The following EML6 variants were observed in gnomAD, a reference collection of about 807,000 sequenced individuals.
EML6 encodes the protein echinoderm microtubule-associated protein-like 6.
Under a neutral mutation model 240.1 loss-of-function variants are expected in EML6, and 154 were observed. That is an observed-to-expected ratio of 0.64 (90% CI 0.56 to 0.73). EML6 has a LOEUF of 0.73. Among genes scored for constraint, EML6 ranks in the 30% least tolerant of loss-of-function variants. The pLI, the probability that EML6 is intolerant of heterozygous loss-of-function variation, is 0.00. For synonymous variants in EML6, 1,148 were observed against 899.0 expected (o/e 1.28, Z -4.95); for missense variants, 2,964 against 2,474.6 (o/e 1.20, Z -4.20).
chr2:54,967,208 A>C, intron 39 of EML6, 105 bp downstream of exon 39: 1 of 738,578 alleles, frequency 1.4e-6, no homozygotes, highest in East Asian at 2.8e-5. Context: ...AAGCTGAGAA[A>C]TGGAGCTGTC....
intron 7 of EML6, among the ~76,000 whole-genome samples, chr2:54,834,916 A>G (rs907546421): frequency 2.0e-5 from 3 of 152,196 alleles, no homozygotes; most frequent in Non-Finnish European, 2.9e-5. Context: ...TTTGAACTTT[A>G]TGTGAGCCAG....
At chr2:54,937,370 A>G (rs1675194096) in intron 28 of EML6, among the ~76,000 whole-genome samples, 1 of 151,868 alleles carries the variant, frequency 6.6e-6, no homozygotes, top group African/African-American at 2.4e-5. Flanking sequence ...GGATGGCTTG[A>G]GAGCAGCCTG....
At chr2:54,819,949 TAG>T (rs1372778492) in intron 4 of EML6, among the ~76,000 whole-genome samples, 1 of 152,202 alleles carries the variant, frequency 6.6e-6, no homozygotes, top group Non-Finnish European at 1.5e-5. Context: ...CTGTGATTAC[TAG>T]AGACTGTTGG....
intron 2 of EML6, among the ~76,000 whole-genome samples, chr2:54,769,761 T>C (rs1295489558): frequency 6.6e-6 from 1 of 152,224 alleles, no homozygotes; most frequent in African/African-American, 2.4e-5. Context: ...AAGATCTCTT[T>C]GTGAACTTTT....
At chr2:54,800,253 G>C (rs1203172370) in intron 2 of EML6, among the ~76,000 whole-genome samples, 2 of 152,070 alleles carry the variant, frequency 1.3e-5, no homozygotes, top group African/African-American at 4.8e-5. Flanking sequence ...TTCTTATTTT[G>C]TTTGCTCTGG....
In EML6 at chr2:54,813,259, C is replaced by T. The variant is rs1029660174; in HGVS notation, c.225C>T (p.Leu75=). Reference sequence around the variant, plus strand: ...TTGCCTTACACCCAGACAAAACTCTCGTTGCAACTGGCCAAGTCGGGAAGG... The same window carrying T: ...TTGCCTTACACCCAGACAAAACTCTTGTTGCAACTGGCCAAGTCGGGAAGG... ...ISLALHPDKT[L]VATGQVGKEP... The change falls in exon 3 of 42, where the codon CTC becomes CTT. Residue 75 remains leucine (L), a synonymous_variant. Coordinates refer to ENST00000356458, the MANE Select transcript of EML6 (RefSeq NM_001039753.4). The T allele has an allele frequency of 9.7e-6, 15 of 1,550,578 alleles. No individual in the cohort carries two copies. Among genetic ancestry groups the T allele is most frequent in the Admixed American group, 5.9e-5 (3 of 50,866 alleles).
chr2:54,892,299 G>A (rs958855477), intron 18 of EML6, among the ~76,000 whole-genome samples, 155 bp from the exon 19 acceptor site: 1 of 152,122 alleles, frequency 6.6e-6, no homozygotes, highest in Non-Finnish European at 1.5e-5. Context: ...AATATTCTTA[G>A]AATATTTTTG....
At chr2:54,765,409 C>T (rs1668140840) in intron 2 of EML6, among the ~76,000 whole-genome samples, 1 of 152,048 alleles carries the variant, frequency 6.6e-6, no homozygotes. Context: ...TGGTTGTTTA[C>T]CCTCTTTTCC....
intron 2 of EML6, among the ~76,000 whole-genome samples, chr2:54,749,901 A>G (rs1050629914): frequency 6.6e-6 from 1 of 152,252 alleles, no homozygotes; most frequent in Non-Finnish European, 1.5e-5. Flanking sequence ...TGAATTTAAC[A>G]TGAACTCCCA....
chr2:54,832,477 A>C (rs1668923990), intron 7 of EML6, among the ~76,000 whole-genome samples: 1 of 152,218 alleles, frequency 6.6e-6, no homozygotes, highest in Non-Finnish European at 1.5e-5. Context: ...TCTCCAAGGC[A>C]AGTGGAGGTG....
At position 54,938,374 on chromosome 2, in the gene EML6, G is replaced by T. The variant is rs980482986; in HGVS notation, c.4004+9623G>T. Among the ~76,000 whole-genome samples, 4 of 152,158 alleles carry T rather than the reference G, an allele frequency of 2.6e-5. No homozygotes were observed. The South Asian group carries it at 6.2e-4, about 24-fold the overall frequency. On this transcript the variant is annotated intron_variant, in intron 28 of 41. Coordinates refer to ENST00000356458, the MANE Select transcript of EML6 (RefSeq NM_001039753.4). Reference sequence around the variant, plus strand: ...AAAGCTATAGATACAGTTACATAAGGCAGGAGCTAATAGCAATTTTTAGGC... The same window carrying T: ...AAAGCTATAGATACAGTTACATAAGTCAGGAGCTAATAGCAATTTTTAGGC...
chr2:54,951,499 C>T lies in EML6; in HGVS notation c.4213+720C>T, dbSNP rs541564411. ...GGTGGAGGTTGCAGTGAGCCAAGAT[C>T]GCGCCATTGCACTCCAGCCTGAGCA... is the stretch of plus-strand genomic sequence containing the variant. On this transcript the variant is annotated intron_variant, in intron 30 of 41. Coordinates refer to ENST00000356458, the MANE Select transcript of EML6 (RefSeq NM_001039753.4). 8.2e-4 allele frequency among the ~76,000 whole-genome samples: 125 copies of T among 151,562 alleles called. 1 individual carries two copies. Among genetic ancestry groups the T allele is most frequent in the African/African-American group, 2.6e-3 (108 of 41,354 alleles).
Position 54,899,740 on chromosome 2 carries a change from T to C in EML6, c.3082T>C (p.Ser1028Pro). The change falls in exon 22 of 42, where the codon TCT becomes CCT. Residue 1028 changes from serine (S) to proline (P), a missense_variant. Physicochemically the swap from Ser to Pro is moderately conservative, Grantham distance 74 (BLOSUM62 -1). Coordinates refer to ENST00000356458, the MANE Select transcript of EML6 (RefSeq NM_001039753.4). ...TAAAACACTTCGCATCTGGGAACTA[T>C]CTGCCCAGCACCGTATGCTGGCAGT... is the stretch of plus-strand genomic sequence containing the variant. ...DDKTLRIWEL[S>P]AQHRMLAVRK... is the part of the protein sequence containing the mutation. 1 of 1,551,922 alleles carries C rather than the reference T, an allele frequency of 6.4e-7. No individual in the cohort carries two copies. Among genetic ancestry groups the C allele is most frequent in the Non-Finnish European group, 8.7e-7 (1 of 1,147,058 alleles).
At chr2:54,852,618 C>G (rs1398105671) in intron 10 of EML6, among the ~76,000 whole-genome samples, 1 of 152,150 alleles carries the variant, frequency 6.6e-6, no homozygotes, top group East Asian at 1.9e-4. Flanking sequence ...GGCAAGAACA[C>G]TAGGTGAAAG....
At chr2:54,895,581 C>T (rs930428659) in intron 21 of EML6, among the ~76,000 whole-genome samples, 181 bp downstream of exon 21, 1 of 152,222 alleles carries the variant, frequency 6.6e-6, no homozygotes, top group African/African-American at 2.4e-5. Context: ...TAAAACAACA[C>T]ACATTTATTT....
chr2:54,881,991 GGT>G (rs936740609), intron 17 of EML6: 4 of 152,262 alleles, frequency 2.6e-5, no homozygotes, highest in African/African-American at 9.6e-5. Flanking sequence ...CTGTGCTGCT[GGT>G]GGCTGTGCTG....
chr2:54,884,336 A>C (rs1206820016), intron 17 of EML6, among the ~76,000 whole-genome samples: 1 of 152,184 alleles, frequency 6.6e-6, no homozygotes, highest in Non-Finnish European at 1.5e-5. Context: ...CCTTGTGTTC[A>C]GCTCTCTAGA....
chr2:54,959,355 G>A, intron 34 of EML6, 94 bp downstream of exon 34: 2 of 1,213,502 alleles, frequency 1.6e-6, no homozygotes, highest in Non-Finnish European at 2.3e-6. Context: ...AATGCAGACT[G>A]TCATCCTCCT....
intron 28 of EML6, among the ~76,000 whole-genome samples, chr2:54,946,816 C>A (rs1461200524): frequency 6.6e-6 from 1 of 152,058 alleles, no homozygotes; most frequent in Non-Finnish European, 1.5e-5. Context: ...CTTCCCCTTG[C>A]TCCTCTCATC....
Sources: gnomAD v4.1 joint callset for allele counts (sites outside exome capture counted in the v4.1 genomes callset) on GRCh38, gnomAD v4.1.1 for gene constraint, MANE v1.5 for transcripts, NCBI Gene and HGNC (gene_info 2026-07-23, HGNC 2026-07-21) for gene names.